CDYL2: variants seen among roughly 807,000 people sequenced by gnomAD.
CDYL2 encodes the protein chromodomain Y like 2.
CDYL2 carries 23 observed loss-of-function variants against 49.4 expected under a neutral mutation model. The ratio of observed to expected loss-of-function variants is 0.47; its 90% CI spans 0.34 to 0.66. CDYL2 has a LOEUF of 0.66. CDYL2 is among the 30% of genes least tolerant of loss of function. CDYL2 has a pLI of 0.01. For synonymous variants in CDYL2, 360 were observed against 268.8 expected (o/e 1.34, Z -3.32); for missense variants, 678 against 656.4 (o/e 1.03, Z -0.36).
intron 2 of CDYL2, among the ~76,000 whole-genome samples, chr16:80,665,292 T>C (rs543158089): frequency 1.3e-5 from 2 of 152,174 alleles, no homozygotes; most frequent in African/African-American, 4.8e-5. Context: ...GTATCCACGT[T>C]CATGTAGGGC....
At chr16:80,605,545 T>C (rs1906294242) in intron 6 of CDYL2, among the ~76,000 whole-genome samples, 3 of 150,094 alleles carry the variant, frequency 2.0e-5, no homozygotes, top group Admixed American at 2.0e-4. Context: ...GCAATAATAA[T>C]CACAGCAATG....
intron 1 of CDYL2, among the ~76,000 whole-genome samples, chr16:80,720,695 A>G (rs1259403308): frequency 6.6e-6 from 1 of 152,136 alleles, no homozygotes; most frequent in Non-Finnish European, 1.5e-5. Context: ...TCTTGGACCA[A>G]TGTATAAATG....
At position 80,630,194 on chromosome 16, in the gene CDYL2, G is replaced by T. The variant is rs535456993; in HGVS notation, c.834+2825C>A. On this transcript the variant is annotated intron_variant, in intron 3 of 6. Coordinates refer to ENST00000570137, the MANE Select transcript of CDYL2 (RefSeq NM_152342.4). ...GTTGTTGAGACAGCTGAAAATACCA[G>T]ATCAATAACTTTGACTGTTTTCCTC... 3.3e-5 allele frequency among the ~76,000 whole-genome samples: 5 copies of T among 152,324 alleles called. No homozygotes were observed. In the South Asian group the frequency reaches 8.3e-4, roughly 25 times the overall value.
At chr16:80,756,261 A>C (rs1319272758) in intron 1 of CDYL2, among the ~76,000 whole-genome samples, 1 of 152,124 alleles carries the variant, frequency 6.6e-6, no homozygotes. Context: ...TAGTGGTCCA[A>C]CTCAATTCTC....
intron 2 of CDYL2, among the ~76,000 whole-genome samples, chr16:80,643,580 G>T (rs112911994): frequency 6.6e-6 from 1 of 152,202 alleles, no homozygotes; most frequent in South Asian, 2.1e-4. Flanking sequence ...GGGTATCCAC[G>T]CATTTCCATA....
At chr16:80,707,507 G>C (rs925842819) in intron 1 of CDYL2, among the ~76,000 whole-genome samples, 2 of 152,138 alleles carry the variant, frequency 1.3e-5, no homozygotes, top group African/African-American at 4.8e-5. Flanking sequence ...CCTTGAACAA[G>C]ACCATCCTTG....
At chr16:80,741,476 A>G (rs753943371) in intron 1 of CDYL2, among the ~76,000 whole-genome samples, 1 of 152,292 alleles carries the variant, frequency 6.6e-6, no homozygotes, top group Non-Finnish European at 1.5e-5. Context: ...CTAGGTTTTA[A>G]AAAAACATTA....
intron 1 of CDYL2, among the ~76,000 whole-genome samples, chr16:80,690,407 C>T (rs1910369099): frequency 1.3e-5 from 2 of 152,182 alleles, no homozygotes; most frequent in African/African-American, 2.4e-5. Flanking sequence ...CACCACCTAA[C>T]CTTGATTCAG....
intron 5 of CDYL2, among the ~76,000 whole-genome samples, chr16:80,610,189 A>G (rs1048414831): frequency 6.6e-6 from 1 of 152,222 alleles, no homozygotes; most frequent in African/African-American, 2.4e-5. Flanking sequence ...AGGACTTGAG[A>G]GATGAGAAGA....
chr16:80,644,597 C>T (rs1908250572), intron 2 of CDYL2, among the ~76,000 whole-genome samples: 1 of 152,194 alleles, frequency 6.6e-6, no homozygotes, highest in Non-Finnish European at 1.5e-5. Context: ...GCACATCTCA[C>T]ATGGCAGTGG....
Position 80,612,902 on chromosome 16 carries a change from G to T in CDYL2, c.1008-66C>A. On this transcript the variant is annotated intron_variant, in intron 4 of 6. Transcript: ENST00000570137. This position sits in a 1 kb window ranked among gnomAD's most constrained non-coding sequence, Gnocchi z 5.0. ...CATGCTAAGCCCCACTGGAACCCTT[G>T]ACTCTCCCAGGTGCTGTGAGGAGCA... 1 of 1,432,228 alleles carries T rather than the reference G, an allele frequency of 7.0e-7. No homozygotes were observed. The highest frequency in any genetic ancestry group is 1.4e-5 in the South Asian group (1 of 71,694). The allele number at this position is 1,432,228 out of a possible 1,614,324, so 88.7% of individuals were successfully genotyped here.
chr16:80,725,788 C>T (rs145104059), intron 1 of CDYL2, among the ~76,000 whole-genome samples: 2 of 152,332 alleles, frequency 1.3e-5, no homozygotes, highest in Admixed American at 6.5e-5. Flanking sequence ...GCACGCTGCC[C>T]GCTATTCAAG....
chr16:80,730,261 A>G (rs1407397845), intron 1 of CDYL2, among the ~76,000 whole-genome samples: 1 of 152,232 alleles, frequency 6.6e-6, no homozygotes, highest in African/African-American at 2.4e-5. Flanking sequence ...AAAAAATGAT[A>G]AAGGGGATAT....
chr16:80,716,567 T>C (rs1014095351), intron 1 of CDYL2, among the ~76,000 whole-genome samples: 1 of 151,996 alleles, frequency 6.6e-6, no homozygotes, highest in African/African-American at 2.4e-5. Flanking sequence ...AATGGATAGA[T>C]GACTGAATGA....
chr16:80,767,927 C>T (rs1441392755), intron 1 of CDYL2, among the ~76,000 whole-genome samples: 1 of 152,202 alleles, frequency 6.6e-6, no homozygotes, highest in Non-Finnish European at 1.5e-5. Context: ...GTGAAAATGG[C>T]TTCTCTGGAG....
chr16:80,617,035 C>T (rs545028025), intron 4 of CDYL2, among the ~76,000 whole-genome samples: 70 of 152,312 alleles, frequency 4.6e-4, no homozygotes, highest in Non-Finnish European at 5.9e-4. Context: ...CTGAATACCA[C>T]GTTTGAACAA....
chr16:80,725,783 C>A (rs1325800651), intron 1 of CDYL2, among the ~76,000 whole-genome samples: 1 of 152,242 alleles, frequency 6.6e-6, no homozygotes. Context: ...AACAAGCACG[C>A]TGCCCGCTAT....
At chr16:80,672,604 GGAAAGGAAAA>G (rs1345102262) in intron 2 of CDYL2, among the ~76,000 whole-genome samples, 19 of 146,594 alleles carry the variant, frequency 1.3e-4, no homozygotes, top group African/African-American at 3.3e-4. Context: ...GGAAAGGAAA[GGAAAGGAAAA>G]GAAAGGAAAG....
intron 2 of CDYL2, among the ~76,000 whole-genome samples, chr16:80,654,201 C>T (rs1265221596): frequency 1.3e-5 from 2 of 152,144 alleles, no homozygotes; most frequent in African/African-American, 4.8e-5. Context: ...GGGAAAAAGT[C>T]ACTACAGAGA....
Sources: allele counts gnomAD v4.1 joint callset (sites outside exome capture counted in the v4.1 genomes callset), GRCh38; gene constraint gnomAD v4.1.1; non-coding constraint Gnocchi (gnomAD v3.1); transcripts MANE v1.5; gene names NCBI Gene and HGNC (gene_info 2026-07-23, HGNC 2026-07-21).